Variants in FOXK1 observed in about 807,000 individuals in gnomAD.
FOXK1 encodes forkhead box protein K1.
A neutral mutation model predicts 51.9 loss-of-function variants in FOXK1; 19 were observed. The observed-to-expected ratio is 0.37, with a 90% CI of 0.26 to 0.54. The LOEUF is 0.54. Among genes scored for constraint, FOXK1 ranks in the 20% least tolerant of loss-of-function variants. FOXK1 has a pLI of 0.87. For missense variants in FOXK1, 870 were observed against 1,032.7 expected, an observed-to-expected ratio of 0.84 and a Z score of 2.16; for synonymous variants, 537 against 482.6, an observed-to-expected ratio of 1.11 and a Z score of -1.48.
intron 1 of FOXK1, among the ~76,000 whole-genome samples, chr7:4,687,523 C>T (rs1779836975): frequency 6.6e-6 from 1 of 151,980 alleles, no homozygotes; most frequent in African/African-American, 2.4e-5. Context: ...GAACTCCTGA[C>T]CTCAGGTGAT....
chr7:4,723,259 C>T lies in FOXK1; in HGVS notation c.561-17579C>T, dbSNP rs1780338389. Among the ~76,000 whole-genome samples the T allele has an allele frequency of 6.6e-6, 1 of 151,998 alleles. No individual in the cohort carries two copies. The highest frequency in any genetic ancestry group is 1.5e-5 in the Non-Finnish European group (1 of 68,012). On this transcript the variant is annotated intron_variant, in intron 1 of 8. Coordinates refer to ENST00000328914, the MANE Select transcript of FOXK1 (RefSeq NM_001037165.2). The surrounding 1 kb of genome is among the most constrained non-coding windows in gnomAD (Gnocchi z 4.7). ...CCCGGCTCAGCACCGAGCAAGTGGGCCTGGACCCTGAAGGATGTGGCTGCT... is the reference window on the plus strand; with the variant it reads ...CCCGGCTCAGCACCGAGCAAGTGGGTCTGGACCCTGAAGGATGTGGCTGCT...
At position 4,761,014 on chromosome 7, in the gene FOXK1, C is replaced by A; in HGVS notation, c.1697-50C>A. On this transcript the variant is annotated intron_variant, in intron 7 of 8. Transcript: ENST00000328914. The surrounding 1 kb of genome is among the most constrained non-coding windows in gnomAD (Gnocchi z 6.2). ...CCTGCTGCCCAGGCGTCGAGGAAATCGATTGTCTCGTTGGCCGAGTGTGGT... is the reference window on the plus strand; with the variant it reads ...CCTGCTGCCCAGGCGTCGAGGAAATAGATTGTCTCGTTGGCCGAGTGTGGT... The A allele has an allele frequency of 1.3e-6, 2 of 1,557,166 alleles. No homozygotes were observed. The highest frequency in any genetic ancestry group is 2.3e-5 in the East Asian group (1 of 44,002).
chr7:4,731,573 A>C lies in FOXK1; in HGVS notation c.561-9265A>C, dbSNP rs187640021. Among the ~76,000 whole-genome samples the C allele has an allele frequency of 3.7e-4, 56 of 152,284 alleles. No individual in the cohort carries two copies. The highest frequency in any genetic ancestry group is 1.3e-3 in the African/African-American group (55 of 41,572). On this transcript the variant is annotated intron_variant, in intron 1 of 8. Transcript: ENST00000328914. This position sits in a 1 kb window ranked among gnomAD's most constrained non-coding sequence, Gnocchi z 5.3. Reference sequence around the variant, plus strand: ...TCAGGAGTTCAAGACCAGCCTGGCCAACATGGTGAAACCCCATCTCTACTA... The same window carrying C: ...TCAGGAGTTCAAGACCAGCCTGGCCCACATGGTGAAACCCCATCTCTACTA...
At chr7:4,702,194 A>T (rs180734425) in intron 1 of FOXK1, among the ~76,000 whole-genome samples, 153 of 152,276 alleles carry the variant, frequency 1.0e-3, no homozygotes, top group African/African-American at 3.6e-3. Context: ...ATGACAGATA[A>T]AATTGAGGTC....
rs565093653 is a variant in FOXK1, at chr7:4,766,636, T to C, written c.*4172T>C. On this transcript the variant is annotated 3_prime_UTR_variant, in exon 9 of 9. Coordinates refer to ENST00000328914, the MANE Select transcript of FOXK1 (RefSeq NM_001037165.2). This position sits in a 1 kb window ranked among gnomAD's most constrained non-coding sequence, Gnocchi z 5.5. ...CAGGGAGGAGATGGATTCGGTGGAGTTGGGCCAGGACGGGGGCTTCACCCT... is the reference window on the plus strand; with the variant it reads ...CAGGGAGGAGATGGATTCGGTGGAGCTGGGCCAGGACGGGGGCTTCACCCT... 2.6e-5 allele frequency: 4 copies of C among 152,264 alleles called. No individual in the cohort carries two copies. Among genetic ancestry groups the C allele is most frequent in the South Asian group, 2.1e-4 (1 of 4,818 alleles). 9.4% of individuals were successfully genotyped at this position (152,264 alleles called of 1,614,324 possible).
chr7:4,707,851 T>G lies in FOXK1; in HGVS notation c.560+24983T>G, dbSNP rs1265428767. 6.6e-6 allele frequency among the ~76,000 whole-genome samples: 1 copy of G among 151,982 alleles called. No homozygotes were observed. The highest frequency in any genetic ancestry group is 6.6e-5 in the Admixed American group (1 of 15,238). ...AGGGCCCGCCACCGTGTCCGGCTAA[T>G]TTTTGTATTTTTAGTAGAGATGGGG... On this transcript the variant is annotated intron_variant, in intron 1 of 8. Coordinates refer to ENST00000328914, the MANE Select transcript of FOXK1 (RefSeq NM_001037165.2). This position sits in a 1 kb window ranked among gnomAD's most constrained non-coding sequence, Gnocchi z 4.1.
At position 4,753,686 on chromosome 7, in the gene FOXK1, G is replaced by A. The variant is rs985884366; in HGVS notation, c.747-773G>A. 2.0e-5 allele frequency among the ~76,000 whole-genome samples: 3 copies of A among 152,170 alleles called. No individual in the cohort carries two copies. The highest frequency in any genetic ancestry group is 7.2e-5 in the African/African-American group (3 of 41,434). ...AAATCATTTTCAGAAGCAAAACATC[G>A]CCGTGGTTTGCTGACGGAAGCCTGC... On this transcript the variant is annotated intron_variant, in intron 2 of 8. Coordinates refer to ENST00000328914, the MANE Select transcript of FOXK1 (RefSeq NM_001037165.2). The surrounding 1 kb of genome is among the most constrained non-coding windows in gnomAD (Gnocchi z 4.9).
Position 4,703,946 on chromosome 7 carries a change from A to T in FOXK1, c.560+21078A>T, listed in dbSNP as rs1298234785. On this transcript the variant is annotated intron_variant, in intron 1 of 8. Transcript: ENST00000328914. This position sits in a 1 kb window ranked among gnomAD's most constrained non-coding sequence, Gnocchi z 5.6. ...AATACAGAAAACCAAACCTGGTGGG[A>T]AAAAATGCGTGTATACGTACCCCTA... is the stretch of plus-strand genomic sequence containing the variant. Among the ~76,000 whole-genome samples, 1 of 152,140 alleles carries T rather than the reference A, an allele frequency of 6.6e-6. No individual in the cohort carries two copies. The highest frequency in any genetic ancestry group is 1.5e-5 in the Non-Finnish European group (1 of 67,998).
chr7:4,742,268 G>A (rs1318790134), intron 2 of FOXK1, among the ~76,000 whole-genome samples: 1 of 152,252 alleles, frequency 6.6e-6, no homozygotes, highest in Admixed American at 6.5e-5. Flanking sequence ...CACGCTCTGG[G>A]CATGCTGATC....
intron 1 of FOXK1, among the ~76,000 whole-genome samples, chr7:4,704,045 C>T (rs751239614): frequency 1.3e-5 from 2 of 152,218 alleles, no homozygotes; most frequent in Non-Finnish European, 2.9e-5. Flanking sequence ...GGCTTCCGAT[C>T]AGTGTCTAAC....
At chr7:4,739,361 G>A (rs1017451964) in intron 1 of FOXK1, among the ~76,000 whole-genome samples, 4 of 152,208 alleles carry the variant, frequency 2.6e-5, no homozygotes, top group Non-Finnish European at 4.4e-5. Flanking sequence ...GGCGGCCAGC[G>A]TTCCTTATCT....
At chr7:4,689,177 C>T (rs1451009615) in intron 1 of FOXK1, among the ~76,000 whole-genome samples, 3 of 152,024 alleles carry the variant, frequency 2.0e-5, no homozygotes, top group Non-Finnish European at 2.9e-5. Flanking sequence ...GGGGTTTCGC[C>T]GTGTTGCCCA....
intron 1 of FOXK1, among the ~76,000 whole-genome samples, chr7:4,717,644 A>G (rs1211334204): frequency 6.6e-6 from 1 of 152,152 alleles, no homozygotes; most frequent in East Asian, 1.9e-4. Context: ...CCCTAGCCCC[A>G]GAGGCAGGGC....
chr7:4,687,275 T>C (rs924669806), intron 1 of FOXK1, among the ~76,000 whole-genome samples: 1 of 150,580 alleles, frequency 6.6e-6, no homozygotes, highest in Admixed American at 6.6e-5. Flanking sequence ...ACTGAATTCT[T>C]GGTTTGTTTG....
chr7:4,746,907 A>C (rs1446103497), intron 2 of FOXK1, among the ~76,000 whole-genome samples: 1 of 150,858 alleles, frequency 6.6e-6, no homozygotes, highest in Non-Finnish European at 1.5e-5. Context: ...GCCCCTCCCC[A>C]CCCCACCACA....
At chr7:4,754,639 G>T (rs545078682) in intron 3 of FOXK1, 24 bp downstream of exon 3, 7 of 1,594,914 alleles carry the variant, frequency 4.4e-6, no homozygotes, top group Non-Finnish European at 5.9e-6. Flanking sequence ...TGGCGCCGTG[G>T]TGCACCTGGT....
Position 4,737,574 on chromosome 7 carries a change from GCA to G in FOXK1, c.561-3263_561-3262del, listed in dbSNP as rs1338435346. On this transcript the variant is annotated intron_variant, in intron 1 of 8. Coordinates refer to ENST00000328914, the MANE Select transcript of FOXK1 (RefSeq NM_001037165.2). The stretch of plus-strand genomic sequence containing the variant: ...TGCCTGTGTGTGTGTGTGTGTGTGT[GCA>G]TGCATGTGTTGATACAGACATGGAC... Among the ~76,000 whole-genome samples, 7 of 151,634 alleles carry G rather than the reference GCA, an allele frequency of 4.6e-5. No homozygotes were observed. In the East Asian group the frequency reaches 9.7e-4, roughly 21 times the overall value.
At position 4,759,039 on chromosome 7, in the gene FOXK1, C is replaced by A; in HGVS notation, c.1245-12C>A. The A allele has an allele frequency of 2.5e-6, 4 of 1,579,106 alleles. No homozygotes were observed. Among genetic ancestry groups the A allele is most frequent in the Non-Finnish European group, 3.4e-6 (4 of 1,166,898 alleles). On this transcript the variant is annotated splice_polypyrimidine_tract_variant and intron_variant, in intron 5 of 8. Transcript: ENST00000328914. ...CGGGCGCTGACTGCCGCGGCCCTTG[C>A]CTGTCTTCCAGGAGCGCTCCAGCTT...
intron 1 of FOXK1, among the ~76,000 whole-genome samples, chr7:4,736,136 G>A (rs1008165051): frequency 6.6e-6 from 1 of 152,170 alleles, no homozygotes; most frequent in Non-Finnish European, 1.5e-5. Context: ...GTGACAGAGC[G>A]AGACTCTGTT....
Sources: allele counts gnomAD v4.1 joint callset (sites outside exome capture counted in the v4.1 genomes callset), GRCh38; gene constraint gnomAD v4.1.1; non-coding constraint Gnocchi (gnomAD v3.1); transcripts MANE v1.5; gene names NCBI Gene and HGNC (gene_info 2026-07-23, HGNC 2026-07-21).